Variants in EDIL3 observed in about 807,000 individuals in gnomAD.
The protein encoded by EDIL3 is EGF like and discoidin domains 3.
A neutral mutation model predicts 67.4 loss-of-function variants in EDIL3; 37 were observed. The ratio of observed to expected loss-of-function variants is 0.55; its 90% confidence interval spans 0.42 to 0.72. The LOEUF (loss-of-function observed/expected upper bound fraction) is 0.72, where lower values mean the gene tolerates loss of function less well. EDIL3 is among the 30% of genes least tolerant of loss of function. The probability of loss-of-function intolerance (pLI) is 0.00; values close to 1 mark genes in which losing one functional copy is unlikely to be tolerated. For synonymous variants in EDIL3, 195 were observed against 196.3 expected, an observed-to-expected ratio of 0.99 and a Z score of 0.05; for missense variants, 527 against 586.3, an observed-to-expected ratio of 0.90 and a Z score of 1.04.
chr5:84,381,256 T>G (rs1208290420), intron 1 of EDIL3, among the ~76,000 whole-genome samples: 1 of 152,176 alleles, frequency 6.6e-6, no homozygotes, highest in East Asian at 1.9e-4. Context: ...AATTGTGTGT[T>G]GTATCACCAC....
At chr5:84,322,316 A>T (rs1047759211) in intron 1 of EDIL3, among the ~76,000 whole-genome samples, 3 of 152,062 alleles carry the variant, frequency 2.0e-5, no homozygotes, top group Non-Finnish European at 4.4e-5. Context: ...GGCATCTTTA[A>T]GATATGGAGT....
At chr5:83,992,594 CATATTATTAA>C (rs1745170124) in intron 9 of EDIL3, among the ~76,000 whole-genome samples, 1 of 152,088 alleles carries the variant, frequency 6.6e-6, no homozygotes, top group Non-Finnish European at 1.5e-5. Context: ...TGCTTATTAT[CATATTATTAA>C]AATTGTGTTC....
At chr5:83,997,298 T>G (rs1306157906) in intron 9 of EDIL3, among the ~76,000 whole-genome samples, 1 of 152,102 alleles carries the variant, frequency 6.6e-6, no homozygotes, top group African/African-American at 2.4e-5. Flanking sequence ...ATGCAGTAGT[T>G]AAAGAAATGA....
chr5:84,022,163 A>G (rs1436182499), intron 9 of EDIL3, among the ~76,000 whole-genome samples: 3 of 151,928 alleles, frequency 2.0e-5, no homozygotes, highest in Non-Finnish European at 4.4e-5. Flanking sequence ...AAAAATCCTC[A>G]AGAAAATACT....
rs761164390 is a variant in EDIL3 at position 84,137,341 on chromosome 5, G to A, written c.369C>T (p.Cys123=). Residue 123 remains cysteine (C), a synonymous_variant, in exon 5 of 11, where the codon TGC becomes TGT. Coordinates refer to ENST00000296591, the MANE Select transcript of EDIL3 (RefSeq NM_005711.5). ...GIHCQHNINE[C]EVEPCKNGGI... Reference sequence around the variant, plus strand: ...CACCATTTTTGCAAGGCTCAACTTCGCATTCATTTATGTCTAAGAAAAACA... The same window carrying A: ...CACCATTTTTGCAAGGCTCAACTTCACATTCATTTATGTCTAAGAAAAACA... The A allele has an allele frequency of 4.5e-5, 73 of 1,612,088 alleles. No individual in the cohort carries two copies. The highest frequency in any genetic ancestry group is 1.6e-4 in the Middle Eastern group (1 of 6,072).
intron 9 of EDIL3, among the ~76,000 whole-genome samples, chr5:84,043,509 G>A (rs1391933745): frequency 6.6e-6 from 1 of 152,166 alleles, no homozygotes; most frequent in Non-Finnish European, 1.5e-5. Context: ...ATATTGTGCT[G>A]TACTGAAAAA....
intron 1 of EDIL3, among the ~76,000 whole-genome samples, chr5:84,280,587 T>C (rs1262289457): frequency 6.6e-6 from 1 of 152,176 alleles, no homozygotes; most frequent in Admixed American, 6.5e-5. Context: ...AATTCTGTCT[T>C]TGTCATAGAC....
intron 1 of EDIL3, among the ~76,000 whole-genome samples, chr5:84,309,904 G>A (rs899818438): frequency 4.6e-5 from 7 of 152,166 alleles, no homozygotes; most frequent in African/African-American, 1.7e-4. Context: ...CTAGATCCCT[G>A]AAGAATTGCC....
intron 9 of EDIL3, chr5:84,048,124 G>T: frequency 3.2e-6 from 1 of 312,488 alleles, no homozygotes. Context: ...TTCATTACTT[G>T]ACCTCTTTTA....
intron 1 of EDIL3, among the ~76,000 whole-genome samples, chr5:84,338,264 A>G (rs1747028942): frequency 1.3e-5 from 2 of 152,154 alleles, no homozygotes; most frequent in Non-Finnish European, 2.9e-5. Flanking sequence ...CTGTCCCTCT[A>G]ACTTGCTTTG....
chr5:84,325,056 C>A (rs1049719677), intron 1 of EDIL3, among the ~76,000 whole-genome samples: 21 of 151,764 alleles, frequency 1.4e-4, no homozygotes, highest in African/African-American at 5.1e-4. Context: ...AGAAAAGCTT[C>A]ACAACATTGG....
Position 84,177,981 on chromosome 5 carries a change from T to C in EDIL3, c.355+2412A>G, listed in dbSNP as rs149897085. 2.2e-3 allele frequency among the ~76,000 whole-genome samples: 329 copies of C among 152,300 alleles called. 2 individuals are homozygous for C. Among genetic ancestry groups the C allele is most frequent in the African/African-American group, 7.4e-3 (306 of 41,586 alleles). On this transcript the variant is annotated intron_variant, in intron 4 of 10. Coordinates refer to ENST00000296591, the MANE Select transcript of EDIL3 (RefSeq NM_005711.5). ...GACAAAATTTAAAAGTCCCCCAATA[T>C]AGCTGTCTGAAAAATTGTTTAATTT...
intron 5 of EDIL3, among the ~76,000 whole-genome samples, chr5:84,111,744 C>T (rs1747568796): frequency 6.6e-6 from 1 of 152,164 alleles, no homozygotes; most frequent in Admixed American, 6.5e-5. Context: ...CACCAAGTCT[C>T]ATCTCTGAAT....
chr5:84,225,784 A>T (rs1744440084), intron 3 of EDIL3, among the ~76,000 whole-genome samples: 1 of 151,600 alleles, frequency 6.6e-6, no homozygotes, highest in South Asian at 2.1e-4. Flanking sequence ...TAGATTTGTC[A>T]TACAATATCA....
chr5:84,149,907 T>C (rs977458559), intron 4 of EDIL3, among the ~76,000 whole-genome samples: 3 of 151,960 alleles, frequency 2.0e-5, no homozygotes, highest in Non-Finnish European at 4.4e-5. Context: ...ATTGAAAATA[T>C]ACAAAATAAA....
chr5:84,334,355 C>T (rs567565721), intron 1 of EDIL3, among the ~76,000 whole-genome samples: 1 of 152,150 alleles, frequency 6.6e-6, no homozygotes, highest in Non-Finnish European at 1.5e-5. Context: ...TGAGCCACCG[C>T]GCCTGGCCAG....
At position 84,080,235 on chromosome 5, in the gene EDIL3, G is replaced by C. The variant is rs1046159372; in HGVS notation, c.652-13629C>G. ...GGCGTGAACCTGGGAGGCGGAGCTTGAAGTGAGCCGAGATCGCGCTGCCAC... is the reference window on the plus strand; with the variant it reads ...GGCGTGAACCTGGGAGGCGGAGCTTCAAGTGAGCCGAGATCGCGCTGCCAC... On this transcript the variant is annotated intron_variant, in intron 6 of 10. Transcript: ENST00000296591. Among the ~76,000 whole-genome samples the C allele has an allele frequency of 1.2e-4, 16 of 135,834 alleles. 1 individual carries two copies. The highest frequency in any genetic ancestry group is 1.1e-3 in the Admixed American group (13 of 12,118). The allele number at this position is 135,834 out of a possible 152,430, so 89.1% of individuals were successfully genotyped here.
intron 9 of EDIL3, among the ~76,000 whole-genome samples, chr5:84,046,757 T>C (rs375939415): frequency 8.5e-5 from 13 of 152,224 alleles, no homozygotes; most frequent in East Asian, 7.7e-4. Flanking sequence ...AGATAACTAA[T>C]ACGCCACAAA....
At chr5:84,359,849 G>A (rs2112199684) in intron 1 of EDIL3, among the ~76,000 whole-genome samples, 1 of 152,176 alleles carries the variant, frequency 6.6e-6, no homozygotes, top group Non-Finnish European at 1.5e-5. Flanking sequence ...GACCATTTTA[G>A]CTCCCTACCA....
Sources: gnomAD v4.1 joint callset for allele counts (sites outside exome capture counted in the v4.1 genomes callset) on GRCh38, gnomAD v4.1.1 for gene constraint, MANE v1.5 for transcripts, NCBI Gene and HGNC (gene_info 2026-07-23, HGNC 2026-07-21) for gene names.